The following CCDC30 variants were observed in gnomAD, a reference collection of about 807,000 sequenced individuals.
The protein encoded by CCDC30 is coiled-coil domain containing 30.
Under a neutral mutation model 100.2 loss-of-function variants are expected in CCDC30, and 70 were observed. That is an observed-to-expected ratio of 0.70 (90% CI 0.58 to 0.85). CCDC30 has a LOEUF of 0.85. CCDC30 is among the 40% of genes least tolerant of loss of function. The probability of loss-of-function intolerance (pLI) is 0.00; values close to 1 mark genes in which losing one functional copy is unlikely to be tolerated. For missense variants in CCDC30, 652 were observed against 771.2 expected, an observed-to-expected ratio of 0.85 and a Z score of 1.83; for synonymous variants, 233 against 269.5, an observed-to-expected ratio of 0.86 and a Z score of 1.33.
At chr1:42,567,328 C>T (rs1645627127) in intron 7 of CCDC30, among the ~76,000 whole-genome samples, 4 of 152,138 alleles carry the variant, frequency 2.6e-5, no homozygotes, top group Non-Finnish European at 5.9e-5. Context: ...TGTGATGAAA[C>T]CATATGACCC....
chr1:42,622,477 T>A (rs1235826553), intron 11 of CCDC30, among the ~76,000 whole-genome samples: 1 of 152,208 alleles, frequency 6.6e-6, no homozygotes, highest in Non-Finnish European at 1.5e-5. Context: ...CTCAAATATA[T>A]GATAGCTCAA....
At chr1:42,498,219 A>G (rs773754510) in intron 5 of CCDC30, among the ~76,000 whole-genome samples, 1 of 152,234 alleles carries the variant, frequency 6.6e-6, no homozygotes, top group Non-Finnish European at 1.5e-5. Flanking sequence ...GCATGCTTAG[A>G]GTAGTGAAAG....
chr1:42,584,449 A>G lies in CCDC30; in HGVS notation c.1001+2935A>G, dbSNP rs187480752. ...TTACTTAAAAATACAAAAATTAGCCAAGCATGGTAGCAGACACATGTTAAC... is the reference window on the plus strand; with the variant it reads ...TTACTTAAAAATACAAAAATTAGCCGAGCATGGTAGCAGACACATGTTAAC... On this transcript the variant is annotated intron_variant, in intron 9 of 16. Coordinates refer to ENST00000668663, the Ensembl canonical transcript of CCDC30. 2.0e-3 allele frequency among the ~76,000 whole-genome samples: 298 copies of G among 152,112 alleles called. 3 individuals carry two copies. Among genetic ancestry groups the G allele is most frequent in the Non-Finnish European group, 3.2e-3 (220 of 67,984 alleles).
At chr1:42,510,219 C>A (rs1416690629) in intron 6 of CCDC30, 1 of 690,972 alleles carries the variant, frequency 1.4e-6, no homozygotes, top group Admixed American at 6.3e-5. Context: ...TCTCTATTTT[C>A]TCTTTTCCTT....
At chr1:42,635,548 G>A (rs1361667948) in intron 11 of CCDC30, among the ~76,000 whole-genome samples, 2 of 151,814 alleles carry the variant, frequency 1.3e-5, no homozygotes, top group Admixed American at 6.6e-5. Context: ...GGTGGCTGGC[G>A]CCTGTAATCC....
chr1:42,500,632 C>G (rs1378874579), intron 6 of CCDC30, among the ~76,000 whole-genome samples: 1 of 152,182 alleles, frequency 6.6e-6, no homozygotes, highest in African/African-American at 2.4e-5. Flanking sequence ...CCAGGATGGT[C>G]TCAATCTCCT....
intron 6 of CCDC30, among the ~76,000 whole-genome samples, chr1:42,511,712 T>C (rs1202511963): frequency 6.6e-6 from 1 of 151,806 alleles, no homozygotes; most frequent in Admixed American, 6.6e-5. Context: ...GGGAGGAGAA[T>C]TGGGAGGAGA....
chr1:42,609,007 G>T (rs991413765), intron 10 of CCDC30, among the ~76,000 whole-genome samples: 4 of 152,124 alleles, frequency 2.6e-5, no homozygotes, highest in African/African-American at 9.7e-5. Flanking sequence ...ATGAAAGAAG[G>T]ATTTGTACTG....
At chr1:42,462,835 T>A (rs1469391110), upstream of CCDC30, among the ~76,000 whole-genome samples, 2 of 152,188 alleles carry the variant, frequency 1.3e-5, no homozygotes, top group African/African-American at 2.4e-5. Context: ...TTTACAATAA[T>A]AAGCTGGATC....
intron 10 of CCDC30, among the ~76,000 whole-genome samples, chr1:42,607,990 C>A (rs528402682): frequency 9.8e-5 from 15 of 152,286 alleles, no homozygotes; most frequent in African/African-American, 3.6e-4. Context: ...CTACTTGCCC[C>A]CAAACACCAT....
intron 6 of CCDC30, among the ~76,000 whole-genome samples, chr1:42,521,958 A>T (rs1021787023): frequency 7.2e-5 from 11 of 152,024 alleles, no homozygotes; most frequent in Admixed American, 3.3e-4. Context: ...TTTAGACTGT[A>T]TATACAGTCA....
chr1:42,477,639 G>C (rs1222199845), intron 1 of CCDC30, among the ~76,000 whole-genome samples: 1 of 152,224 alleles, frequency 6.6e-6, no homozygotes, highest in Non-Finnish European at 1.5e-5. Context: ...GCCTCAGTTT[G>C]TAAATCAATC....
intron 6 of CCDC30, among the ~76,000 whole-genome samples, chr1:42,501,878 TC>T (rs935121466): frequency 2.1e-5 from 3 of 144,674 alleles, no homozygotes; most frequent in Admixed American, 6.7e-5. Context: ...GAGAGGTGCC[TC>T]CCAGTTAGGC....
intron 7 of CCDC30, among the ~76,000 whole-genome samples, 171 bp from the exon 12 acceptor site, chr1:42,576,849 A>G (rs1645848114): frequency 6.6e-6 from 1 of 152,230 alleles, no homozygotes; most frequent in Non-Finnish European, 1.5e-5. Flanking sequence ...TCTAACTGCC[A>G]TCTGTCTACA....
intron 6 of CCDC30, among the ~76,000 whole-genome samples, chr1:42,505,785 G>A (rs1644385422): frequency 6.6e-6 from 1 of 152,196 alleles, no homozygotes; most frequent in Non-Finnish European, 1.5e-5. Flanking sequence ...CTGTTAGAAA[G>A]TGACATTTTT....
chr1:42,643,176 T>G (rs1647600733), intron 13 of CCDC30, among the ~76,000 whole-genome samples: 1 of 152,220 alleles, frequency 6.6e-6, no homozygotes, highest in Non-Finnish European at 1.5e-5. Context: ...AATTACTATA[T>G]GCTAGGCACT....
At chr1:42,577,703 C>T (rs542761729) in intron 8 of CCDC30, among the ~76,000 whole-genome samples, 34 of 152,070 alleles carry the variant, frequency 2.2e-4, no homozygotes, top group African/African-American at 7.2e-4. Context: ...GGCAGTGGTG[C>T]GATCTCGGCT....
rs201851020 is a variant in CCDC30 at position 42,539,311 on chromosome 1, G to A, written c.457-26985G>A. On this transcript the variant is annotated intron_variant, in intron 6 of 16. Coordinates refer to ENST00000668663, the Ensembl canonical transcript of CCDC30. ...AGAGAATTCTGAATTAGAAACAAAGGTGAGACTGAGTTAGGTATTTAAATG... is the reference window on the plus strand; with the variant it reads ...AGAGAATTCTGAATTAGAAACAAAGATGAGACTGAGTTAGGTATTTAAATG... 36 of 1,595,448 alleles carry A rather than the reference G, an allele frequency of 2.3e-5. No individual in the cohort carries two copies. Among genetic ancestry groups the A allele is most frequent in the Non-Finnish European group, 2.8e-5 (33 of 1,173,078 alleles).
Position 42,624,462 on chromosome 1 carries a change from G to A in CCDC30, c.1278-12775G>A, listed in dbSNP as rs184515813. On this transcript the variant is annotated intron_variant, in intron 11 of 16. Coordinates refer to ENST00000668663, the Ensembl canonical transcript of CCDC30. The stretch of plus-strand genomic sequence containing the variant: ...ATGATGATCTTTTTAATGTATTATC[G>A]AATTCCATTTGCTCGGTTTTTCATT... Among the ~76,000 whole-genome samples the A allele has an allele frequency of 1.9e-4, 29 of 151,978 alleles. No individual in the cohort carries two copies. The East Asian group carries it at 3.3e-3, about 17-fold the overall frequency.
Sources: allele counts gnomAD v4.1 joint callset (sites outside exome capture counted in the v4.1 genomes callset), GRCh38; gene constraint gnomAD v4.1.1; transcripts MANE v1.5; gene names NCBI Gene and HGNC (gene_info 2026-07-23, HGNC 2026-07-21).